Variants in AFG2A observed in about 807,000 individuals in gnomAD.
The protein encoded by AFG2A is ATPase family gene 2 protein homolog A.
At chr4:123,211,627 T>G in the AFG2A span, among the ~76,000 whole-genome samples, 16 of 152,114 alleles carry the variant, frequency 1.1e-4, no homozygotes, top group Non-Finnish European at 2.1e-4. Flanking sequence ...TGTTTACAAT[T>G]TGGGGTAAAT....
the AFG2A span, among the ~76,000 whole-genome samples, chr4:122,952,579 AT>A: frequency 6.6e-6 from 1 of 152,116 alleles, no homozygotes; most frequent in East Asian, 1.9e-4. Flanking sequence ...TGGACTCTGG[AT>A]TTTTGTCTGT....
At chr4:123,003,038 G>T in the AFG2A span, among the ~76,000 whole-genome samples, 3 of 151,900 alleles carry the variant, frequency 2.0e-5, no homozygotes, top group Non-Finnish European at 4.4e-5. Context: ...TTCCCTTCTT[G>T]CTTCATTTCA....
At chr4:123,115,783 G>A in the AFG2A span, among the ~76,000 whole-genome samples, 1 of 152,178 alleles carries the variant, frequency 6.6e-6, no homozygotes, top group African/African-American at 2.4e-5. Flanking sequence ...TGGATGGCCC[G>A]CTGCTGCCAT....
At chr4:123,055,133 A>G in the AFG2A span, among the ~76,000 whole-genome samples, 1 of 152,176 alleles carries the variant, frequency 6.6e-6, no homozygotes, top group Admixed American at 6.5e-5. Context: ...GTAAATTCTT[A>G]TATCAGTTCT....
chr4:123,071,905 T>C, the AFG2A span, among the ~76,000 whole-genome samples: 1 of 152,262 alleles, frequency 6.6e-6, no homozygotes, highest in Non-Finnish European at 1.5e-5. Context: ...TTATTCATTG[T>C]TAAATATTTC....
the AFG2A span, among the ~76,000 whole-genome samples, chr4:122,930,253 G>A: frequency 4.6e-5 from 7 of 152,102 alleles, no homozygotes; most frequent in South Asian, 1.5e-3. Context: ...CATCCTCCTG[G>A]ATATTCTATT....
At chr4:123,198,999 C>T in the AFG2A span, among the ~76,000 whole-genome samples, 1 of 152,126 alleles carries the variant, frequency 6.6e-6, no homozygotes, top group African/African-American at 2.4e-5. Context: ...ACTGGTGATG[C>T]TGTGAGTGAG....
At chr4:123,314,621 T>G in the AFG2A span, 1 of 152,246 alleles carries the variant, frequency 6.6e-6, no homozygotes, top group Non-Finnish European at 1.5e-5. Flanking sequence ...ATTTTTGTTT[T>G]AGCCTTCTTA....
the AFG2A span, among the ~76,000 whole-genome samples, chr4:123,274,590 A>G: frequency 6.7e-6 from 1 of 148,418 alleles, no homozygotes; most frequent in Admixed American, 6.6e-5. Flanking sequence ...AAAAGAGCAC[A>G]TAATTAAAAA....
chr4:122,926,749 A>C, the AFG2A span, among the ~76,000 whole-genome samples: 1 of 152,356 alleles, frequency 6.6e-6, no homozygotes, highest in Non-Finnish European at 1.5e-5. Flanking sequence ...AGTGTTTCAT[A>C]GATTTTGTGC....
At chr4:123,307,160 G>T in the AFG2A span, among the ~76,000 whole-genome samples, 2 of 152,176 alleles carry the variant, frequency 1.3e-5, no homozygotes, top group Non-Finnish European at 2.9e-5. Flanking sequence ...AACTGTTCCA[G>T]ACTTTATCTA....
At chr4:122,985,170 G>A in the AFG2A span, among the ~76,000 whole-genome samples, 1 of 148,116 alleles carries the variant, frequency 6.8e-6, no homozygotes, top group Non-Finnish European at 1.5e-5. Flanking sequence ...TTGTTGACCA[G>A]ACTGGAGTGC....
the AFG2A span, among the ~76,000 whole-genome samples, chr4:123,130,452 C>T: frequency 6.6e-6 from 1 of 152,244 alleles, no homozygotes; most frequent in Non-Finnish European, 1.5e-5. Context: ...CCACTGACCC[C>T]TGGCAACTAC....
chr4:123,155,045 T>C, the AFG2A span, among the ~76,000 whole-genome samples: 1 of 152,112 alleles, frequency 6.6e-6, no homozygotes, highest in Admixed American at 6.6e-5. Context: ...TTCTCTTGAA[T>C]GTTTCTTTCC....
the AFG2A span, among the ~76,000 whole-genome samples, chr4:123,105,561 AC>A: frequency 6.6e-6 from 1 of 152,192 alleles, no homozygotes; most frequent in Non-Finnish European, 1.5e-5. Flanking sequence ...GAAAGGAGTC[AC>A]CATTCTAGAT....
At chr4:123,057,821 A>G in the AFG2A span, among the ~76,000 whole-genome samples, 7 of 152,174 alleles carry the variant, frequency 4.6e-5, no homozygotes, top group East Asian at 1.9e-4. Flanking sequence ...ACACACACAC[A>G]CACACACACA....
At chr4:123,186,888 T>C in the AFG2A span, among the ~76,000 whole-genome samples, 1 of 152,072 alleles carries the variant, frequency 6.6e-6, no homozygotes, top group Non-Finnish European at 1.5e-5. Context: ...GGGGGACAGC[T>C]TTGTACCTGC....
the AFG2A span, among the ~76,000 whole-genome samples, chr4:123,029,758 C>T: frequency 3.3e-5 from 5 of 152,242 alleles, no homozygotes; most frequent in Non-Finnish European, 5.9e-5. Context: ...CTGCCTCAGC[C>T]TCCTGAGCAG....
the AFG2A span, among the ~76,000 whole-genome samples, chr4:123,077,110 C>T: frequency 6.8e-6 from 1 of 147,672 alleles, no homozygotes; most frequent in Non-Finnish European, 1.5e-5. Context: ...TGCAGTGGCG[C>T]GATCTCAGCT....
Sources: allele counts gnomAD v4.1 joint callset (sites outside exome capture counted in the v4.1 genomes callset), GRCh38; gene constraint gnomAD v4.1.1; transcripts MANE v1.5; gene names NCBI Gene and HGNC (gene_info 2026-07-23, HGNC 2026-07-21).